Variants in CEP112 observed in about 807,000 individuals in gnomAD.
CEP112 encodes centrosomal protein of 112 kDa.
CEP112 carries 127 observed loss-of-function variants against 153.0 expected under a neutral mutation model. That is an observed-to-expected ratio of 0.83 (90% CI 0.72 to 0.96). The LOEUF (loss-of-function observed/expected upper bound fraction) is 0.96. Ranked by LOEUF, CEP112 falls within the 40% of genes least tolerant of loss-of-function variation. CEP112 has a pLI of 0.00. For missense variants in CEP112, 1,089 were observed against 1,101.2 expected (o/e 0.99, Z 0.16); for synonymous variants, 358 against 374.4 (o/e 0.96, Z 0.51).
intron 23 of CEP112, among the ~76,000 whole-genome samples, chr17:65,690,960 G>T (rs1276654430): frequency 6.6e-6 from 1 of 152,160 alleles, no homozygotes; most frequent in Non-Finnish European, 1.5e-5. Flanking sequence ...AGAGAGCAGG[G>T]GAGAGGCCAC....
intron 4 of CEP112, among the ~76,000 whole-genome samples, chr17:66,161,839 A>G (rs578218183): frequency 6.6e-6 from 1 of 152,260 alleles, no homozygotes; most frequent in Admixed American, 6.5e-5. Flanking sequence ...ATTAAAAAAA[A>G]GAATAAAAAA....
At chr17:66,109,424 T>A (rs1000301809) in intron 6 of CEP112, among the ~76,000 whole-genome samples, 2 of 151,824 alleles carry the variant, frequency 1.3e-5, no homozygotes, top group East Asian at 1.9e-4. Context: ...CAAATTTAAA[T>A]TTTTTTTACA....
intron 24 of CEP112, chr17:65,688,572 A>G (rs1220141214): frequency 1.3e-5 from 2 of 153,292 alleles, no homozygotes; most frequent in Non-Finnish European, 2.9e-5. Flanking sequence ...TCTGGGCAGA[A>G]TGCCTGGCAC....
intron 18 of CEP112, among the ~76,000 whole-genome samples, chr17:65,939,407 T>C (rs908295564): frequency 9.9e-5 from 15 of 152,140 alleles, no homozygotes; most frequent in Admixed American, 8.5e-4. Context: ...TATGGAATCA[T>C]AGAAGACTCC....
chr17:66,067,016 A>AACACACACAC (rs60964018), intron 9 of CEP112, 139 bp from the exon 10 acceptor site: 4 of 264,866 alleles, frequency 1.5e-5, no homozygotes, highest in African/African-American at 6.9e-5. Context: ...TGAAATTATA[A>AACACACACAC]ACACACACAC....
At chr17:65,656,858 C>A (rs2046089162) in intron 24 of CEP112, among the ~76,000 whole-genome samples, 1 of 152,196 alleles carries the variant, frequency 6.6e-6, no homozygotes, top group Non-Finnish European at 1.5e-5. Flanking sequence ...AGCTTACAAC[C>A]TTTGGTGTTA....
At chr17:66,091,072 A>G (rs1647426624) in intron 8 of CEP112, among the ~76,000 whole-genome samples, 1 of 152,108 alleles carries the variant, frequency 6.6e-6, no homozygotes, top group Non-Finnish European at 1.5e-5. Context: ...GAAGGAGTGT[A>G]ATACAATAAT....
rs185913788 is a variant in CEP112 at position 65,843,098 on chromosome 17, A to G, written c.2394+8706T>C. On this transcript the variant is annotated intron_variant, in intron 21 of 26. Transcript: ENST00000535342. ...TTATAACCCCTGTCATAGTCAAGAA[A>G]GCTTTACAATTTAGGTCATTCAAAA... Among the ~76,000 whole-genome samples the G allele has an allele frequency of 1.2e-3, 183 of 152,292 alleles. 1 individual carries two copies. Among genetic ancestry groups the G allele is most frequent in the African/African-American group, 4.4e-3 (181 of 41,584 alleles).
intron 12 of CEP112, among the ~76,000 whole-genome samples, chr17:66,035,941 C>T (rs566862122): frequency 4.3e-4 from 66 of 152,310 alleles, no homozygotes; most frequent in African/African-American, 1.5e-3. Context: ...AATACACATC[C>T]ACACTGGGGA....
chr17:65,671,528 C>G (rs576594146), intron 24 of CEP112, among the ~76,000 whole-genome samples: 1 of 152,332 alleles, frequency 6.6e-6, no homozygotes, highest in Admixed American at 6.5e-5. Context: ...GAGATAAACT[C>G]TGTTCATCTT....
At chr17:65,851,015 T>C (rs1206554706) in intron 21 of CEP112, among the ~76,000 whole-genome samples, 1 of 152,212 alleles carries the variant, frequency 6.6e-6, no homozygotes, top group Non-Finnish European at 1.5e-5. Flanking sequence ...ATGGCTAGTA[T>C]GGTATTGCAT....
chr17:65,985,840 G>A lies in CEP112; in HGVS notation c.1736+19850C>T, dbSNP rs551617772. On this transcript the variant is annotated intron_variant, in intron 17 of 26. Coordinates refer to ENST00000535342, the MANE Select transcript of CEP112 (RefSeq NM_001199165.4). ...AGACCACAAAGCAAGCTGAGATCAA[G>A]GGCTTTTGTTTTTTTTTTTTTTAAG... Among the ~76,000 whole-genome samples the A allele has an allele frequency of 1.1e-4, 9 of 82,848 alleles. No individual in the cohort carries two copies. In the Admixed American group the frequency reaches 1.1e-3, roughly 10 times the overall value. 54.4% of individuals were successfully genotyped at this position (82,848 alleles called of 152,430 possible).
In CEP112 at chr17:66,075,876, G is replaced by GT. The variant is rs564845368; in HGVS notation, c.769-5876dup. On this transcript the variant is annotated intron_variant, in intron 8 of 26. Coordinates refer to ENST00000535342, the MANE Select transcript of CEP112 (RefSeq NM_001199165.4). Reference sequence around the variant, plus strand: ...GGACGCGGGAGACACCCCAAATACTGTGAGTTCCCAAACTGCAGAAGTGGG... The same window carrying GT: ...GGACGCGGGAGACACCCCAAATACTGTTGAGTTCCCAAACTGCAGAAGTGGG... 2.7e-3 allele frequency among the ~76,000 whole-genome samples: 410 copies of GT among 152,302 alleles called. 3 individuals are homozygous for GT. Among genetic ancestry groups the GT allele is most frequent in the African/African-American group, 9.2e-3 (384 of 41,566 alleles).
At chr17:65,726,424 A>G (rs1247703569) in intron 23 of CEP112, among the ~76,000 whole-genome samples, 1 of 152,188 alleles carries the variant, frequency 6.6e-6, no homozygotes, top group Non-Finnish European at 1.5e-5. Flanking sequence ...GCAGAGCTTC[A>G]TGGAGGAGGG....
At position 65,690,323 on chromosome 17, in the gene CEP112, T is replaced by G. The variant is rs192524849; in HGVS notation, c.2608-1105A>C. Among the ~76,000 whole-genome samples the G allele has an allele frequency of 4.4e-4, 66 of 148,436 alleles. 1 individual carries two copies. The Middle Eastern group carries it at 0.011, about 25-fold the overall frequency. On this transcript the variant is annotated intron_variant, in intron 23 of 26. Transcript: ENST00000535342. ...AACCTGTGGTCCCAGCTACTTAGGA[T>G]GCTGAGGCAGGAGGATCACTTGAGC...
At chr17:65,707,608 T>C (rs2048981330) in intron 23 of CEP112, among the ~76,000 whole-genome samples, 1 of 149,264 alleles carries the variant, frequency 6.7e-6, no homozygotes, top group Non-Finnish European at 1.5e-5. Flanking sequence ...ACACTTGCCT[T>C]CCTACTATTC....
chr17:65,803,833 G>C (rs536998743), intron 21 of CEP112, among the ~76,000 whole-genome samples: 122 of 152,288 alleles, frequency 8.0e-4, no homozygotes, highest in African/African-American at 2.7e-3. Context: ...CTAGTCAAAA[G>C]AGCATTTTTA....
chr17:65,913,807 G>A (rs1217301504), intron 19 of CEP112: 6 of 985,280 alleles, frequency 6.1e-6, no homozygotes, highest in Non-Finnish European at 6.0e-6. Flanking sequence ...ACACAGCTGT[G>A]ATTAGCAAGC....
rs544508244 is a variant in CEP112 at position 66,130,644 on chromosome 17, T to C, written c.565-821A>G. 4.7e-4 allele frequency among the ~76,000 whole-genome samples: 71 copies of C among 151,906 alleles called. 2 individuals carry two copies. The highest frequency in any genetic ancestry group is 4.5e-3 in the East Asian group (23 of 5,140). On this transcript the variant is annotated intron_variant, in intron 5 of 26. Transcript: ENST00000535342. ...CAAAAAAATTAGCCGGGCGTGGTGG[T>C]GGGCACCTGTAATCCCAGCTACTCG...
Sources: gnomAD v4.1 joint callset for allele counts (sites outside exome capture counted in the v4.1 genomes callset) on GRCh38, gnomAD v4.1.1 for gene constraint, MANE v1.5 for transcripts, NCBI Gene and HGNC (gene_info 2026-07-23, HGNC 2026-07-21) for gene names.